MOK: variants seen among roughly 807,000 people sequenced by gnomAD.
MOK encodes MOK protein kinase, also known as MAPK/MAK/MRK overlapping kinase.
MOK carries 59 observed loss-of-function variants against 54.2 expected under a neutral mutation model. That is an observed-to-expected ratio of 1.09 (90% CI 0.88 to 1.35). MOK has a LOEUF of 1.35. Ranked by LOEUF, MOK falls within the 40% of genes most tolerant of loss-of-function variation. The probability of loss-of-function intolerance (pLI) is 0.00; values close to 1 mark genes in which losing one functional copy is unlikely to be tolerated. For missense variants in MOK, 517 were observed against 526.2 expected (o/e 0.98, Z 0.17); for synonymous variants, 210 against 202.7 (o/e 1.04, Z -0.31).
chr14:102,278,152 C>A (rs7142677), intron 2 of MOK, among the ~76,000 whole-genome samples: 19,480 of 152,124 alleles, frequency 0.13, 1,704 homozygotes, highest in African/African-American at 0.25. Flanking sequence ...TGTCTGCCAG[C>A]ATCTTAATCT....
At chr14:102,286,676 A>G in intron 1 of MOK, among the ~76,000 whole-genome samples, 1 of 152,212 alleles carries the variant, frequency 6.6e-6, no homozygotes, top group Non-Finnish European at 1.5e-5. Flanking sequence ...CCATTAATCA[A>G]TACAGTAAAG....
intron 1 of MOK, among the ~76,000 whole-genome samples, chr14:102,299,995 T>C (rs1018886875): frequency 6.6e-6 from 1 of 151,968 alleles, no homozygotes; most frequent in African/African-American, 2.4e-5. Context: ...CTGGGCAATA[T>C]AGGGAGACCC....
chr14:102,255,109 GGAGATCGA>G (rs1396176665), intron 4 of MOK, among the ~76,000 whole-genome samples: 1 of 152,034 alleles, frequency 6.6e-6, no homozygotes, highest in Non-Finnish European at 1.5e-5. Flanking sequence ...CACGAGGTCC[GGAGATCGA>G]GACCATCCTG....
chr14:102,286,298 CAAAAAA>C (rs60479729), intron 1 of MOK, among the ~76,000 whole-genome samples: 2 of 25,586 alleles, frequency 7.8e-5, no homozygotes, highest in East Asian at 3.8e-3. Flanking sequence ...GACTCCGTCT[CAAAAAA>C]AAAAAAAAAA....
chr14:102,224,796 T>C (rs1378076490), downstream of MOK: 2 of 456,024 alleles, frequency 4.4e-6, no homozygotes, highest in East Asian at 7.0e-5. Flanking sequence ...GTGAGTCTTC[T>C]AGAAAGAGAA....
chr14:102,295,400 A>T (rs1232950165), intron 1 of MOK, among the ~76,000 whole-genome samples: 3 of 152,216 alleles, frequency 2.0e-5, no homozygotes, highest in Admixed American at 6.5e-5. Context: ...ACTTTTTGTG[A>T]AATGCAAAAC....
At chr14:102,244,257 C>T (rs1486037013) in intron 7 of MOK, among the ~76,000 whole-genome samples, 2 of 152,184 alleles carry the variant, frequency 1.3e-5, no homozygotes, top group African/African-American at 2.4e-5. Flanking sequence ...TCCCTCATGG[C>T]AGTTTTTCTC....
In MOK at chr14:102,236,117, C is replaced by T. The variant is rs1408473894; in HGVS notation, c.591-2328G>A. Among the ~76,000 whole-genome samples, 1 of 152,208 alleles carries T rather than the reference C, an allele frequency of 6.6e-6. No individual in the cohort carries two copies. The highest frequency in any genetic ancestry group is 6.5e-5 in the Admixed American group (1 of 15,286). ...GCCACTGGAAGTCCGACTGTCCTCT[C>T]AACAGACAGACAAGCCTGCTCCTCA... On this transcript the variant is annotated intron_variant, in intron 7 of 11. Coordinates refer to ENST00000361847, the MANE Select transcript of MOK (RefSeq NM_014226.3). The surrounding 1 kb of genome is among the most constrained non-coding windows in gnomAD (Gnocchi z 4.5).
At chr14:102,288,313 A>G (rs1299621131) in intron 1 of MOK, among the ~76,000 whole-genome samples, 2 of 152,368 alleles carry the variant, frequency 1.3e-5, no homozygotes, top group African/African-American at 4.8e-5. Context: ...ACGGATAAAC[A>G]AAATGTGGTC....
intron 1 of MOK, among the ~76,000 whole-genome samples, chr14:102,298,999 C>T (rs1293266611): frequency 6.6e-6 from 1 of 152,112 alleles, no homozygotes; most frequent in Non-Finnish European, 1.5e-5. Flanking sequence ...ACTCTCAACA[C>T]ATCTGAACTT....
chr14:102,276,869 G>C (rs2068915908), intron 2 of MOK, among the ~76,000 whole-genome samples: 2 of 151,868 alleles, frequency 1.3e-5, no homozygotes, highest in African/African-American at 2.4e-5. Flanking sequence ...GTTTTTCTGA[G>C]ACAGGGTCTT....
At chr14:102,219,871 G>A (rs895214744), downstream of MOK, among the ~76,000 whole-genome samples, 6 of 152,230 alleles carry the variant, frequency 3.9e-5, no homozygotes, top group East Asian at 3.8e-4. Context: ...GTTTGAGGGC[G>A]GTTGATTCAA....
At position 102,233,804 on chromosome 14, in the gene MOK, G is replaced by A; in HGVS notation, c.591-15C>T. 1.9e-6 allele frequency: 3 copies of A among 1,588,320 alleles called. No homozygotes were observed. The highest frequency in any genetic ancestry group is 2.6e-6 in the Non-Finnish European group (3 of 1,156,534). ...GGGGCTGCAGACTGGAAGGGCAGAA[G>A]GGGCACTGTGGTCAGTGTTAGGGCA... On this transcript the variant is annotated splice_polypyrimidine_tract_variant and intron_variant, in intron 7 of 11. Transcript: ENST00000361847.
At chr14:102,275,011 T>C (rs991702532) in intron 2 of MOK, among the ~76,000 whole-genome samples, 6 of 151,090 alleles carry the variant, frequency 4.0e-5, no homozygotes, top group African/African-American at 1.5e-4. Flanking sequence ...ACTTTTAGTA[T>C]CTGACTTCAA....
downstream of MOK, chr14:102,226,236 G>C: frequency 4.6e-6 from 3 of 653,244 alleles, no homozygotes; most frequent in Non-Finnish European, 8.3e-6. The surrounding 1 kb of genome is among the most constrained non-coding windows in gnomAD (Gnocchi z 4.8). Flanking sequence ...GCTTCTGCCC[G>C]GTGTCTTCTT....
At chr14:102,265,586 A>C (rs1051589245) in intron 3 of MOK, among the ~76,000 whole-genome samples, 1 of 152,072 alleles carries the variant, frequency 6.6e-6, no homozygotes, top group Admixed American at 6.6e-5. Context: ...AGCCAAGATC[A>C]CGCCGCTGCA....
At chr14:102,286,160 G>A (rs918665743) in intron 1 of MOK, among the ~76,000 whole-genome samples, 14 of 151,566 alleles carry the variant, frequency 9.2e-5, no homozygotes, top group Admixed American at 3.3e-4. Flanking sequence ...TTAGCCGGGC[G>A]TGGTGGCGGG....
chr14:102,290,564 C>T (rs1177134811), intron 1 of MOK, among the ~76,000 whole-genome samples: 1 of 152,078 alleles, frequency 6.6e-6, no homozygotes, highest in African/African-American at 2.4e-5. Flanking sequence ...AAGTCACAGC[C>T]TGAGACAGAG....
At chr14:102,279,326 G>C (rs559124528) in intron 2 of MOK, among the ~76,000 whole-genome samples, 1 of 151,430 alleles carries the variant, frequency 6.6e-6, no homozygotes, top group South Asian at 2.1e-4. Context: ...ACAGGGTCTT[G>C]CTCTGTCACC....
Sources: allele counts gnomAD v4.1 joint callset (sites outside exome capture counted in the v4.1 genomes callset), GRCh38; gene constraint gnomAD v4.1.1; non-coding constraint Gnocchi (gnomAD v3.1); transcripts MANE v1.5; gene names NCBI Gene and HGNC (gene_info 2026-07-23, HGNC 2026-07-21).